DLC1: variants seen among roughly 807,000 people sequenced by gnomAD.
The protein encoded by DLC1 is DLC1 Rho GTPase activating protein.
In DLC1, 54 loss-of-function variants were observed where a neutral mutation model predicts 140.3. The ratio of observed to expected loss-of-function variants is 0.38; its 90% confidence interval spans 0.31 to 0.48. The LOEUF is 0.48. Ranked by LOEUF, DLC1 falls within the 20% of genes least tolerant of loss-of-function variation. DLC1 has a pLI of 0.96. For missense variants in DLC1, 2,536 were observed against 1,907.0 expected, an observed-to-expected ratio of 1.33 and a Z score of -6.14; for synonymous variants, 986 against 728.1, an observed-to-expected ratio of 1.35 and a Z score of -5.70.
intron 3 of DLC1, among the ~76,000 whole-genome samples, chr8:13,394,588 G>T (rs908151364): frequency 2.6e-5 from 4 of 152,092 alleles, no homozygotes; most frequent in Admixed American, 2.6e-4. Flanking sequence ...TGGAGCAAAG[G>T]CACGTATCAC....
At position 13,352,430 on chromosome 8, in the gene DLC1, G is replaced by A. The variant is rs528900979; in HGVS notation, c.1314+41123C>T. Among the ~76,000 whole-genome samples, 6 of 152,210 alleles carry A rather than the reference G, an allele frequency of 3.9e-5. No individual in the cohort carries two copies. The East Asian group carries it at 1.2e-3, about 29-fold the overall frequency. On this transcript the variant is annotated intron_variant, in intron 4 of 17. Transcript: ENST00000276297. ...CAGGGTCTTGCTCTGTCACTCAGCT[G>A]GACTGCAGTGGGGTGATCACAGCTT... is the stretch of plus-strand genomic sequence containing the variant.
At chr8:13,498,768 C>T in intron 2 of DLC1, 1 of 295,612 alleles carries the variant, frequency 3.4e-6, no homozygotes. Context: ...CTATTTAATT[C>T]CAACTAAAGA....
intron 12 of DLC1, among the ~76,000 whole-genome samples, chr8:13,093,682 T>G (rs1441064220): frequency 6.6e-6 from 1 of 152,156 alleles, no homozygotes; most frequent in East Asian, 1.9e-4. Flanking sequence ...AATACCTCGG[T>G]GAGGAAAATG....
At chr8:13,293,687 C>G (rs148437175) in intron 5 of DLC1, among the ~76,000 whole-genome samples, 9,443 of 152,088 alleles carry the variant, frequency 0.062, 353 homozygotes, top group South Asian at 0.095. Flanking sequence ...TCACAGAAAA[C>G]ATGAAATGCC....
chr8:13,254,190 A>G (rs565804607), intron 5 of DLC1, among the ~76,000 whole-genome samples: 6 of 152,044 alleles, frequency 3.9e-5, no homozygotes, highest in Non-Finnish European at 7.4e-5. Flanking sequence ...AATTAAAAAA[A>G]AAAAGAATAA....
At chr8:13,388,062 A>C (rs549984729) in intron 4 of DLC1, among the ~76,000 whole-genome samples, 1 of 152,142 alleles carries the variant, frequency 6.6e-6, no homozygotes, top group South Asian at 2.1e-4. Flanking sequence ...ACATAATTTA[A>C]AATATAATTT....
At chr8:13,508,555 C>T (rs1293110934) in intron 1 of DLC1, among the ~76,000 whole-genome samples, 1 of 151,882 alleles carries the variant, frequency 6.6e-6, no homozygotes, top group Non-Finnish European at 1.5e-5. Context: ...GTAACTGGGA[C>T]TACAGGTGCC....
chr8:13,370,598 G>A lies in DLC1; in HGVS notation c.1314+22955C>T, dbSNP rs114620060. On this transcript the variant is annotated intron_variant, in intron 4 of 17. Transcript: ENST00000276297. The stretch of plus-strand genomic sequence containing the variant: ...CCATAAAGGGCCTAAGCATATTAAC[G>A]TGCATAACTGAAAAGTCCAGTTGTA... Among the ~76,000 whole-genome samples the A allele has an allele frequency of 4.4e-3, 675 of 152,284 alleles. 4 individuals carry two copies. The highest frequency in any genetic ancestry group is 0.015 in the African/African-American group (622 of 41,548).
At chr8:13,176,408 C>A (rs1183519511) in intron 5 of DLC1, among the ~76,000 whole-genome samples, 1 of 152,096 alleles carries the variant, frequency 6.6e-6, no homozygotes, top group Non-Finnish European at 1.5e-5. Flanking sequence ...GAAACCCCGT[C>A]TCTATTAAAA....
At chr8:13,498,739 T>C (rs889474076) in intron 2 of DLC1, 1 of 236,812 alleles carries the variant, frequency 4.2e-6, no homozygotes, top group East Asian at 8.4e-5. Flanking sequence ...GAATTGCATG[T>C]CTATGAGCTA....
intron 2 of DLC1, among the ~76,000 whole-genome samples, chr8:13,474,751 C>G (rs1800367109): frequency 6.6e-6 from 1 of 152,174 alleles, no homozygotes; most frequent in Non-Finnish European, 1.5e-5. Context: ...TGTGACTGCT[C>G]CATTGGATTT....
At chr8:13,413,256 A>ATTTTTTTTTTTTTTTTTTTTTTTTTT (rs58038503) in intron 2 of DLC1, among the ~76,000 whole-genome samples, 13 of 82,016 alleles carry the variant, frequency 1.6e-4, no homozygotes, top group Non-Finnish European at 1.8e-4. Flanking sequence ...TTTTTTTGCG[A>ATTTTTTTTTTTTTTTTTTTTTTTTTT]TTTTTTTTTT....
At chr8:13,312,615 T>C (rs149623152) in intron 4 of DLC1, among the ~76,000 whole-genome samples, 5 of 152,172 alleles carry the variant, frequency 3.3e-5, no homozygotes, top group African/African-American at 1.2e-4. Context: ...TTAAAGTTTA[T>C]TCCAATTGAA....
chr8:13,168,741 C>G (rs1223471100), intron 5 of DLC1, among the ~76,000 whole-genome samples: 7 of 152,178 alleles, frequency 4.6e-5, no homozygotes, highest in African/African-American at 1.7e-4. Flanking sequence ...AAAGTGAAGT[C>G]CACATCAAAC....
At chr8:13,469,134 T>C (rs1563374354) in intron 2 of DLC1, among the ~76,000 whole-genome samples, 2 of 152,194 alleles carry the variant, frequency 1.3e-5, no homozygotes, top group South Asian at 4.1e-4. Flanking sequence ...CTGCTTTTTA[T>C]TCCCAGATTT....
chr8:13,473,732 C>T (rs1419183887), intron 2 of DLC1, among the ~76,000 whole-genome samples: 2 of 152,054 alleles, frequency 1.3e-5, no homozygotes, highest in Non-Finnish European at 2.9e-5. Context: ...AAAGGTGACT[C>T]TTGTTATGTT....
chr8:13,467,909 C>A (rs550994710), intron 2 of DLC1, among the ~76,000 whole-genome samples: 1 of 152,044 alleles, frequency 6.6e-6, no homozygotes, highest in South Asian at 2.1e-4. Context: ...CTGGGATAAA[C>A]CCAATTTGGT....
chr8:13,377,807 AAAAGGG>A (rs1409433688), intron 4 of DLC1, among the ~76,000 whole-genome samples: 2 of 152,060 alleles, frequency 1.3e-5, no homozygotes, highest in African/African-American at 2.4e-5. Flanking sequence ...GCCTAATGAT[AAAAGGG>A]AAATTTGTGT....
chr8:13,364,255 G>C (rs187585188), intron 4 of DLC1, among the ~76,000 whole-genome samples: 2 of 151,266 alleles, frequency 1.3e-5, no homozygotes, highest in Non-Finnish European at 2.9e-5. Context: ...CTCCCTCTTC[G>C]TAGTTAAAGC....
Sources: allele counts gnomAD v4.1 joint callset (sites outside exome capture counted in the v4.1 genomes callset), GRCh38; gene constraint gnomAD v4.1.1; transcripts MANE v1.5; gene names NCBI Gene and HGNC (gene_info 2026-07-23, HGNC 2026-07-21).